Variants in PCDH15 observed in about 807,000 individuals in gnomAD.
The protein encoded by PCDH15 is protocadherin related 15, also known as protocadherin-15.
Under a neutral mutation model 178.5 loss-of-function variants are expected in PCDH15, and 129 were observed. The observed-to-expected ratio is 0.72, with a 90% CI of 0.63 to 0.84. The LOEUF (loss-of-function observed/expected upper bound fraction) is 0.84. PCDH15 is among the 40% of genes least tolerant of loss of function. The pLI, the probability that PCDH15 is intolerant of heterozygous loss-of-function variation, is 0.00. For missense variants in PCDH15, 2,230 were observed against 2,099.9 expected (o/e 1.06, Z -1.21); for synonymous variants, 800 against 732.0 (o/e 1.09, Z -1.50).
chr10:54,939,293 G>A (rs1591795577), intron 2 of PCDH15, among the ~76,000 whole-genome samples: 1 of 151,572 alleles, frequency 6.6e-6, no homozygotes, highest in African/African-American at 2.4e-5. Context: ...AGGAGATTGA[G>A]ACCATCCTGG....
chr10:55,252,365 A>C (rs1390681499), intron 1 of PCDH15, among the ~76,000 whole-genome samples: 1 of 152,148 alleles, frequency 6.6e-6, no homozygotes, highest in Non-Finnish European at 1.5e-5. Context: ...TGTGCCCTAG[A>C]TGTAATCCTG....
chr10:54,020,250 G>A lies in PCDH15; in HGVS notation c.2693C>T (p.Ala898Val), dbSNP rs762905705. Residue 898 changes from alanine (A) to valine (V), a missense_variant, in exon 20 of 38, where the codon GCC becomes GTC. Coordinates refer to ENST00000644397, the MANE Select transcript of PCDH15 (RefSeq NM_001384140.1). ...QEASITFLVE[A>V]FDIYGTMPPG... ...TGGCATTGTTCCATAAATATCAAAG[G>A]CCTCTACCAGAAAAGTGATACTTGC... 4 of 1,613,678 alleles carry A rather than the reference G, an allele frequency of 2.5e-6. No individual in the cohort carries two copies. Among genetic ancestry groups the A allele is most frequent in the South Asian group, 2.2e-5 (2 of 91,064 alleles).
At chr10:53,989,581 A>T (rs957561651) in intron 21 of PCDH15, among the ~76,000 whole-genome samples, 10 of 152,170 alleles carry the variant, frequency 6.6e-5, no homozygotes, top group African/African-American at 2.2e-4. Context: ...AATGGGAGTC[A>T]GGCTGGGACT....
chr10:54,288,642 A>G (rs1374983835), intron 8 of PCDH15, among the ~76,000 whole-genome samples: 1 of 152,162 alleles, frequency 6.6e-6, no homozygotes, highest in Non-Finnish European at 1.5e-5. Flanking sequence ...TACCTGGAAA[A>G]ATGGGACACT....
At chr10:54,810,229 G>T (rs545702764) in intron 3 of PCDH15, among the ~76,000 whole-genome samples, 3 of 152,182 alleles carry the variant, frequency 2.0e-5, no homozygotes, top group Admixed American at 6.5e-5. Context: ...CAATGTTCAG[G>T]CATAATAAGT....
rs925308155 is a variant in PCDH15, at chr10:54,216,274, G to A, written c.986-2226C>T. On this transcript the variant is annotated intron_variant, in intron 9 of 37. Transcript: ENST00000644397. ...AGTTCGAGACCAGCCTGGCCAACAT[G>A]GTGAAAACCTGTCCCTACTAAAAAT... Among the ~76,000 whole-genome samples the A allele has an allele frequency of 1.8e-4, 28 of 151,828 alleles. 1 individual carries two copies. The highest frequency in any genetic ancestry group is 3.4e-3 in the Middle Eastern group (1 of 292).
intron 15 of PCDH15, among the ~76,000 whole-genome samples, chr10:54,110,397 A>G (rs1350737746): frequency 6.6e-6 from 1 of 151,940 alleles, no homozygotes; most frequent in African/African-American, 2.4e-5. Context: ...ATAGGTATAT[A>G]TATAAGTAAA....
chr10:54,020,449 A>G (rs1431102900), intron 19 of PCDH15, 33 bp from the exon 20 acceptor site: 2 of 1,593,528 alleles, frequency 1.3e-6, no homozygotes, highest in Non-Finnish European at 1.7e-6. Context: ...TTTATTAGTG[A>G]CGTTACCAAA....
At chr10:55,608,097 A>G (rs1046932366) in intron 2 of PCDH15, among the ~76,000 whole-genome samples, 2 of 152,128 alleles carry the variant, frequency 1.3e-5, no homozygotes, top group Non-Finnish European at 2.9e-5. Context: ...AGCGTCTATG[A>G]GTGTAGAAGT....
intron 1 of PCDH15, among the ~76,000 whole-genome samples, chr10:55,194,979 C>T (rs1840044973): frequency 6.6e-6 from 1 of 151,942 alleles, no homozygotes; most frequent in Non-Finnish European, 1.5e-5. Flanking sequence ...CTCTGCTTTG[C>T]CTAGCAGTAG....
chr10:53,821,892 T>G, intron 32 of PCDH15: 1 of 1,613,600 alleles, frequency 6.2e-7, no homozygotes, highest in Non-Finnish European at 8.5e-7. Flanking sequence ...AGATTGTTTT[T>G]CAGTTCCCTC....
intron 2 of PCDH15, among the ~76,000 whole-genome samples, chr10:55,147,447 T>A (rs1449361781): frequency 3.3e-5 from 5 of 151,482 alleles, no homozygotes; most frequent in Admixed American, 1.3e-4. Flanking sequence ...GCACCTAATT[T>A]CAATTTTTAA....
chr10:55,469,926 C>T (rs562887954), intron 2 of PCDH15, among the ~76,000 whole-genome samples: 14 of 152,146 alleles, frequency 9.2e-5, no homozygotes, highest in African/African-American at 3.4e-4. Context: ...AGTATGTATT[C>T]ATCTTTCCTC....
chr10:55,599,095 A>G (rs147441650), intron 2 of PCDH15, among the ~76,000 whole-genome samples: 297 of 152,348 alleles, frequency 1.9e-3, no homozygotes, highest in African/African-American at 6.9e-3. Context: ...TCAAGCACCA[A>G]AAAGCAAAGA....
intron 2 of PCDH15, among the ~76,000 whole-genome samples, chr10:55,420,393 T>C (rs988091634): frequency 2.1e-4 from 32 of 151,734 alleles, no homozygotes; most frequent in African/African-American, 6.3e-4. Flanking sequence ...CCCTAGGAGG[T>C]TGGCAAGAAT....
At chr10:54,433,832 C>A (rs1256597660) in intron 3 of PCDH15, among the ~76,000 whole-genome samples, 1 of 151,926 alleles carries the variant, frequency 6.6e-6, no homozygotes, top group African/African-American at 2.4e-5. Context: ...CTATTATGTA[C>A]CCAAAAATAT....
chr10:54,269,763 G>A (rs1441370065), intron 8 of PCDH15, among the ~76,000 whole-genome samples: 2 of 151,874 alleles, frequency 1.3e-5, no homozygotes, highest in Admixed American at 6.6e-5. Context: ...CCTCTTAACT[G>A]TGGTATTACC....
At chr10:55,022,711 C>CTTTTTTT (rs201891944) in intron 2 of PCDH15, among the ~76,000 whole-genome samples, 2 of 113,842 alleles carry the variant, frequency 1.8e-5, no homozygotes, top group African/African-American at 3.2e-5. Flanking sequence ...TTTTCTTTTT[C>CTTTTTTT]TTTTTTTTTT....
At chr10:53,828,617 G>T (rs755912934) in intron 30 of PCDH15, 44 bp from the exon 31 acceptor site, 6 of 1,452,576 alleles carry the variant, frequency 4.1e-6, no homozygotes, top group Middle Eastern at 1.8e-4. Context: ...AGCTACATTA[G>T]AACTATTGCA....
Sources: gnomAD v4.1 joint callset for allele counts (sites outside exome capture counted in the v4.1 genomes callset) on GRCh38, gnomAD v4.1.1 for gene constraint, MANE v1.5 for transcripts, NCBI Gene and HGNC (gene_info 2026-07-23, HGNC 2026-07-21) for gene names.